The following EXD2 variants were observed in gnomAD, a reference collection of about 807,000 sequenced individuals.
EXD2 encodes exonuclease 3'-5' domain-containing protein 2.
In EXD2, 40 loss-of-function variants were observed where a neutral mutation model predicts 62.5. The ratio of observed to expected loss-of-function variants is 0.64; its 90% confidence interval spans 0.50 to 0.83. The LOEUF (loss-of-function observed/expected upper bound fraction) is 0.83, where lower values mean the gene tolerates loss of function less well. EXD2 is among the 40% of genes least tolerant of loss of function. EXD2 has a pLI of 0.00. For synonymous variants in EXD2, 239 were observed against 291.9 expected (o/e 0.82, Z 1.85); for missense variants, 671 against 761.8 (o/e 0.88, Z 1.40).
chr14:69,203,230 T>A (rs1594730662), intron 1 of EXD2, among the ~76,000 whole-genome samples: 1 of 138,506 alleles, frequency 7.2e-6, no homozygotes. Context: ...GGCTGGCTAG[T>A]TTTTTGTAAT....
At position 69,238,016 on chromosome 14, in the gene EXD2, G is replaced by C. The variant is rs1365723334; in HGVS notation, c.1649+85G>C. On this transcript the variant is annotated intron_variant, in intron 9 of 9. Transcript: ENST00000685843. The stretch of plus-strand genomic sequence containing the variant: ...AATGCTTGCCAGGGAGGGGGCATTG[G>C]CTGCTTAGGCACAGTGCCTAGCCTC... 8 of 1,215,940 alleles carry C rather than the reference G, an allele frequency of 6.6e-6. No individual in the cohort carries two copies. The Admixed American group carries it at 1.2e-4, about 18-fold the overall frequency. The allele number at this position is 1,215,940 out of a possible 1,614,324, so 75.3% of individuals were successfully genotyped here.
intron 8 of EXD2, 52 bp downstream of exon 8, chr14:69,236,594 T>C (rs1166083179): frequency 6.8e-6 from 11 of 1,612,912 alleles, no homozygotes; most frequent in Admixed American, 1.7e-5. Context: ...GGAAATTGCT[T>C]TTGTAGCCAT....
intron 1 of EXD2, among the ~76,000 whole-genome samples, chr14:69,194,485 T>C (rs2042133787): frequency 6.7e-6 from 1 of 149,132 alleles, no homozygotes; most frequent in Non-Finnish European, 1.5e-5. Context: ...ACACTTACCA[T>C]GTACTAATTT....
intron 5 of EXD2, 23 bp from the exon 6 acceptor site, chr14:69,234,677 T>C: frequency 1.3e-6 from 2 of 1,579,866 alleles, no homozygotes; most frequent in Non-Finnish European, 1.7e-6. Flanking sequence ...CAGATTCCAC[T>C]GATCTCTGAC....
intron 2 of EXD2, among the ~76,000 whole-genome samples, chr14:69,207,887 C>T (rs1287640301): frequency 6.6e-6 from 1 of 150,540 alleles, no homozygotes; most frequent in Non-Finnish European, 1.5e-5. Context: ...GACCAAAGGC[C>T]ATTTACTTTT....
At chr14:69,231,183 G>A (rs1174027889) in intron 5 of EXD2, among the ~76,000 whole-genome samples, 1 of 152,086 alleles carries the variant, frequency 6.6e-6, no homozygotes, top group African/African-American at 2.4e-5. Flanking sequence ...AAGTGTGTAG[G>A]AGTTATAACT....
chr14:69,210,843 A>G (rs989526200), intron 3 of EXD2, among the ~76,000 whole-genome samples: 3 of 152,230 alleles, frequency 2.0e-5, no homozygotes, highest in African/African-American at 7.2e-5. Context: ...ATACTATACT[A>G]TAGTTTATTA....
chr14:69,230,363 G>A, intron 4 of EXD2, 109 bp from the exon 5 acceptor site: 1 of 609,682 alleles, frequency 1.6e-6, no homozygotes, highest in Non-Finnish European at 2.8e-6. Flanking sequence ...GATTTCTAGT[G>A]AGATTCAGTA....
chr14:69,203,669 G>A (rs1400657745), intron 1 of EXD2, among the ~76,000 whole-genome samples: 2 of 152,218 alleles, frequency 1.3e-5, no homozygotes, highest in East Asian at 3.8e-4. Flanking sequence ...GAAGTATTCA[G>A]TCAGAGACTA....
At position 69,200,904 on chromosome 14, in the gene EXD2, T is replaced by C. The variant is rs148108541; in HGVS notation, c.-131-3013T>C. On this transcript the variant is annotated intron_variant, in intron 1 of 9. Coordinates refer to ENST00000685843, the MANE Select transcript of EXD2 (RefSeq NM_001193360.2). The stretch of plus-strand genomic sequence containing the variant: ...GCCTGGCCAACATGGTAAAACCCCG[T>C]GTCTACTAAAAATACAAAAATTAAC... Among the ~76,000 whole-genome samples the C allele has an allele frequency of 9.6e-3, 1,451 of 151,900 alleles. 25 individuals carry two copies. Among genetic ancestry groups the C allele is most frequent in the African/African-American group, 0.034 (1,392 of 41,424 alleles).
intron 1 of EXD2, among the ~76,000 whole-genome samples, chr14:69,192,480 A>G (rs2042064214): frequency 9.0e-6 from 1 of 110,952 alleles, no homozygotes; most frequent in Non-Finnish European, 1.8e-5. Context: ...CCTTGTAACA[A>G]AATTATGTAA....
At chr14:69,231,631 G>A (rs1019672462) in intron 5 of EXD2, among the ~76,000 whole-genome samples, 1 of 151,942 alleles carries the variant, frequency 6.6e-6, no homozygotes, top group Non-Finnish European at 1.5e-5. Flanking sequence ...TCTCCTCTGG[G>A]CTGGTTCAGA....
At chr14:69,201,889 G>C (rs1292838120) in intron 1 of EXD2, among the ~76,000 whole-genome samples, 2 of 151,734 alleles carry the variant, frequency 1.3e-5, no homozygotes, top group East Asian at 3.9e-4. Context: ...CACCATATTG[G>C]TCAGCTGGTG....
At chr14:69,231,923 A>G (rs994663526) in intron 5 of EXD2, among the ~76,000 whole-genome samples, 9 of 151,460 alleles carry the variant, frequency 5.9e-5, no homozygotes, top group African/African-American at 2.2e-4. Flanking sequence ...AAAAAAAAAA[A>G]AAAAAAAAAA....
intron 2 of EXD2, among the ~76,000 whole-genome samples, chr14:69,207,149 TCA>T (rs1293624125): frequency 1.3e-5 from 2 of 152,164 alleles, no homozygotes. Context: ...TCTCTAATAC[TCA>T]CATATCTCTA....
chr14:69,226,269 T>C (rs1178245039), intron 3 of EXD2, among the ~76,000 whole-genome samples: 1 of 152,244 alleles, frequency 6.6e-6, no homozygotes, highest in African/African-American at 2.4e-5. Context: ...GGAACCCCAG[T>C]AGTCGTGTTT....
At chr14:69,230,838 A>G (rs2043549569) in intron 5 of EXD2, among the ~76,000 whole-genome samples, 1 of 152,172 alleles carries the variant, frequency 6.6e-6, no homozygotes, top group South Asian at 2.1e-4. Context: ...GCTGGAGTGC[A>G]GTGGTACGGT....
intron 3 of EXD2, among the ~76,000 whole-genome samples, chr14:69,224,997 T>C (rs893449171): frequency 3.3e-5 from 5 of 152,160 alleles, no homozygotes; most frequent in African/African-American, 1.2e-4. Flanking sequence ...AAAACGCAGA[T>C]GTCTCAATTA....
intron 3 of EXD2, among the ~76,000 whole-genome samples, chr14:69,216,960 A>G (rs2043006016): frequency 6.6e-6 from 1 of 152,062 alleles, no homozygotes. Context: ...AACTGTAATT[A>G]TATATTCTTT....
Sources: gnomAD v4.1 joint callset for allele counts (sites outside exome capture counted in the v4.1 genomes callset) on GRCh38, gnomAD v4.1.1 for gene constraint, MANE v1.5 for transcripts, NCBI Gene and HGNC (gene_info 2026-07-23, HGNC 2026-07-21) for gene names.